The following GCNT1 variants were observed in gnomAD, a reference collection of about 807,000 sequenced individuals.
GCNT1 encodes the protein beta-1,3-galactosyl-O-glycosyl-glycoprotein beta-1,6-N-acetylglucosaminyltransferase.
GCNT1 carries 16 observed loss-of-function variants against 26.2 expected under a neutral mutation model. That is an observed-to-expected ratio of 0.61 (90% confidence interval 0.41 to 0.93). The LOEUF is 0.93. GCNT1 is among the 40% of genes least tolerant of loss of function. The pLI is 0.00. For missense variants in GCNT1, 477 were observed against 526.7 expected, an observed-to-expected ratio of 0.91 and a Z score of 0.92; for synonymous variants, 183 against 190.8, an observed-to-expected ratio of 0.96 and a Z score of 0.34.
the GCNT1 span, among the ~76,000 whole-genome samples, chr9:76,413,836 A>G: frequency 6.6e-6 from 1 of 151,924 alleles, no homozygotes; most frequent in Non-Finnish European, 1.5e-5. Flanking sequence ...CATAACATGT[A>G]TGCTACACCT....
At chr9:76,482,842 G>A (rs1219518637) in intron 2 of GCNT1, among the ~76,000 whole-genome samples, 7 of 147,572 alleles carry the variant, frequency 4.7e-5, no homozygotes, top group Non-Finnish European at 1.0e-4. Context: ...GTAGAGATGG[G>A]AGTCTCACTG....
intron 2 of GCNT1, among the ~76,000 whole-genome samples, chr9:76,473,446 C>T (rs1395723513): frequency 1.3e-5 from 2 of 151,970 alleles, no homozygotes; most frequent in Non-Finnish European, 2.9e-5. Flanking sequence ...GAAAAAGTTA[C>T]CCTTAGACAT....
the GCNT1 span, among the ~76,000 whole-genome samples, chr9:76,413,635 T>G: frequency 1.8e-3 from 222 of 124,748 alleles, 2 homozygotes; most frequent in African/African-American, 7.2e-3. Context: ...ATGCCTAGGG[T>G]TTTTTTTGTT....
chr9:76,425,531 A>G (rs1259094708), intron 1 of GCNT1, among the ~76,000 whole-genome samples: 2 of 152,070 alleles, frequency 1.3e-5, no homozygotes, highest in African/African-American at 2.4e-5. Flanking sequence ...CCTTAATTTA[A>G]TTTTTAAAAT....
In GCNT1 at chr9:76,504,056, G is replaced by A. The variant is rs982457675; in HGVS notation, c.*388G>A. 4.8e-6 allele frequency: 1 copy of A among 208,490 alleles called. No individual in the cohort carries two copies. Among genetic ancestry groups the A allele is most frequent in the Admixed American group, 5.2e-5 (1 of 19,080 alleles). 12.9% of individuals were successfully genotyped at this position (208,490 alleles called of 1,614,324 possible). ...CAAAACTATTTTGAGAATTTTAAAT[G>A]TGACCATTTTTCTGGTATGAATAAA... On this transcript the variant is annotated 3_prime_UTR_variant, in exon 4 of 4. Coordinates refer to ENST00000376730, the MANE Select transcript of GCNT1 (RefSeq NM_001490.5).
intron 1 of GCNT1, among the ~76,000 whole-genome samples, chr9:76,424,696 C>A (rs1291628691): frequency 1.3e-5 from 2 of 152,084 alleles, no homozygotes; most frequent in African/African-American, 2.4e-5. Flanking sequence ...TCTTTTTGTG[C>A]CCTATTCAAA....
upstream of GCNT1, among the ~76,000 whole-genome samples, chr9:76,454,367 G>A (rs1388316078): frequency 5.0e-5 from 5 of 100,330 alleles, no homozygotes; most frequent in African/African-American, 2.0e-4. Context: ...CAACAAGAGC[G>A]AAACTCTGTC....
At chr9:76,454,646 C>T (rs1311856653), upstream of GCNT1, among the ~76,000 whole-genome samples, 2 of 151,374 alleles carry the variant, frequency 1.3e-5, no homozygotes, top group African/African-American at 4.9e-5. Context: ...GCAGTTTCCC[C>T]CGTGTTGTTT....
chr9:76,468,152 C>A (rs1243408754), intron 2 of GCNT1, among the ~76,000 whole-genome samples: 1 of 151,980 alleles, frequency 6.6e-6, no homozygotes, highest in Non-Finnish European at 1.5e-5. Context: ...CTGCCTGGGC[C>A]TCCCGAAGTG....
At chr9:76,491,610 A>G (rs565531118) in intron 2 of GCNT1, among the ~76,000 whole-genome samples, 1 of 152,236 alleles carries the variant, frequency 6.6e-6, no homozygotes, top group South Asian at 2.1e-4. Flanking sequence ...GTACTGTTAC[A>G]TCACTAACTG....
At chr9:76,454,386 G>GAAAAAAA (rs71372084), upstream of GCNT1, among the ~76,000 whole-genome samples, 78 of 39,612 alleles carry the variant, frequency 2.0e-3, 1 homozygote, top group African/African-American at 3.4e-3. Context: ...TCTCAGAAAA[G>GAAAAAAA]AAAAAAAAAA....
chr9:76,468,115 C>T (rs139061719), intron 2 of GCNT1, among the ~76,000 whole-genome samples: 1,625 of 152,026 alleles, frequency 0.011, 22 homozygotes, highest in Non-Finnish European at 0.014. Flanking sequence ...AGGCTGGTTT[C>T]GAACTCCTTA....
intron 1 of GCNT1, among the ~76,000 whole-genome samples, chr9:76,434,788 A>G (rs755512791): frequency 6.6e-6 from 1 of 152,182 alleles, no homozygotes; most frequent in Non-Finnish European, 1.5e-5. Context: ...TTTTCCTAGC[A>G]AGGAATATAA....
intron 1 of GCNT1, among the ~76,000 whole-genome samples, chr9:76,429,907 G>A (rs1190340630): frequency 6.6e-6 from 1 of 151,856 alleles, no homozygotes; most frequent in African/African-American, 2.4e-5. Context: ...TTAGAGATGG[G>A]GTTTCACCAT....
At chr9:76,405,788 C>G in the GCNT1 span, among the ~76,000 whole-genome samples, 1 of 152,108 alleles carries the variant, frequency 6.6e-6, no homozygotes, top group Non-Finnish European at 1.5e-5. Flanking sequence ...TTCCTATTCT[C>G]CTATTGAAGG....
chr9:76,410,358 G>C, the GCNT1 span, among the ~76,000 whole-genome samples: 2 of 152,168 alleles, frequency 1.3e-5, no homozygotes, highest in South Asian at 4.1e-4. Context: ...CTTGAACCCA[G>C]GAGGCAGAGG....
chr9:76,495,777 A>G (rs536997793), intron 2 of GCNT1, among the ~76,000 whole-genome samples: 86 of 152,356 alleles, frequency 5.6e-4, no homozygotes, highest in African/African-American at 1.9e-3. Context: ...GCAAGGTCAT[A>G]TAGCAGAAGA....
upstream of GCNT1, among the ~76,000 whole-genome samples, chr9:76,440,184 C>T (rs1823466316): frequency 6.6e-6 from 1 of 152,014 alleles, no homozygotes; most frequent in Non-Finnish European, 1.5e-5. Context: ...CTTCTTGGCT[C>T]AGCATCTCTT....
intron 2 of GCNT1, among the ~76,000 whole-genome samples, chr9:76,465,341 C>G (rs2131598431): frequency 6.6e-6 from 1 of 152,082 alleles, no homozygotes; most frequent in African/African-American, 2.4e-5. Context: ...CCAGGCTGGT[C>G]TTGAACTCCT....
Sources: gnomAD v4.1 joint callset for allele counts (sites outside exome capture counted in the v4.1 genomes callset) on GRCh38, gnomAD v4.1.1 for gene constraint, MANE v1.5 for transcripts, NCBI Gene and HGNC (gene_info 2026-07-23, HGNC 2026-07-21) for gene names.